The following DCDC2 variants were observed in gnomAD, a reference collection of about 807,000 sequenced individuals.
DCDC2 encodes the protein doublecortin domain-containing protein 2.
In DCDC2, 40 loss-of-function variants were observed where a neutral mutation model predicts 50.2. That is an observed-to-expected ratio of 0.80 (90% confidence interval 0.62 to 1.04). The LOEUF is 1.04. DCDC2 is among the 50% of genes least tolerant of loss of function. The pLI is 0.00. For missense variants in DCDC2, 570 were observed against 581.9 expected (o/e 0.98, Z 0.21); for synonymous variants, 234 against 210.6 (o/e 1.11, Z -0.96).
upstream of DCDC2, among the ~76,000 whole-genome samples, chr6:24,359,637 C>T (rs909216937): frequency 7.0e-5 from 10 of 142,534 alleles, no homozygotes; most frequent in Admixed American, 3.7e-4. Flanking sequence ...TGACTCATGC[C>T]TGTAACCCCA....
chr6:24,346,573 T>A (rs1760260348), intron 2 of DCDC2, among the ~76,000 whole-genome samples: 1 of 152,110 alleles, frequency 6.6e-6, no homozygotes, highest in African/African-American at 2.4e-5. Flanking sequence ...CTAGCCAACA[T>A]GACAAACCCC....
rs58851935 is a variant in DCDC2 at position 24,298,208 on chromosome 6, C to T, written c.557+3507G>A. Among the ~76,000 whole-genome samples the T allele has an allele frequency of 6.3e-3, 959 of 152,322 alleles. 6 individuals carry two copies. Among genetic ancestry groups the T allele is most frequent in the African/African-American group, 0.021 (884 of 41,566 alleles). On this transcript the variant is annotated intron_variant, in intron 4 of 9. Coordinates refer to ENST00000378454, the MANE Select transcript of DCDC2 (RefSeq NM_016356.5). ...TTCATGCTCCTATGAGAATCTAATG[C>T]TGCTGCTGATCTGACAGGGGGTGGA...
chr6:24,192,362 G>A (rs922954290), intron 8 of DCDC2, among the ~76,000 whole-genome samples: 1 of 151,010 alleles, frequency 6.6e-6, no homozygotes, highest in African/African-American at 2.4e-5. Flanking sequence ...TGGCCAAAAC[G>A]AATCACCCTA....
intron 7 of DCDC2, among the ~76,000 whole-genome samples, chr6:24,239,595 G>T (rs1352064610): frequency 6.6e-6 from 1 of 152,156 alleles, no homozygotes; most frequent in Non-Finnish European, 1.5e-5. Flanking sequence ...TATTAAGCTG[G>T]ATCAGTCAGA....
chr6:24,197,380 T>C (rs1245176891), intron 8 of DCDC2, among the ~76,000 whole-genome samples: 1 of 152,244 alleles, frequency 6.6e-6, no homozygotes, highest in Non-Finnish European at 1.5e-5. Flanking sequence ...AATAAGGCTA[T>C]GATTTTCTCT....
intron 2 of DCDC2, among the ~76,000 whole-genome samples, chr6:24,333,805 C>T (rs1477729917): frequency 6.6e-6 from 1 of 152,120 alleles, no homozygotes; most frequent in African/African-American, 2.4e-5. Context: ...TAGGAGACTA[C>T]TGAGGCAAAT....
the DCDC2 span, among the ~76,000 whole-genome samples, chr6:24,363,916 T>C: frequency 3.3e-5 from 5 of 152,236 alleles, no homozygotes; most frequent in Admixed American, 2.6e-4. Context: ...ATCATTTCTC[T>C]TACAGTGAAA....
intron 8 of DCDC2, among the ~76,000 whole-genome samples, chr6:24,190,970 G>A (rs1421248872): frequency 6.6e-6 from 1 of 152,284 alleles, no homozygotes; most frequent in East Asian, 1.9e-4. Context: ...ACAGGGAGAG[G>A]ACCAAACTGG....
intron 8 of DCDC2, among the ~76,000 whole-genome samples, chr6:24,193,670 G>A (rs575852696): frequency 6.6e-6 from 1 of 152,054 alleles, no homozygotes; most frequent in Non-Finnish European, 1.5e-5. Flanking sequence ...TTACATAGTA[G>A]AAATAATGTA....
chr6:24,271,088 G>A (rs1401577160), intron 7 of DCDC2, among the ~76,000 whole-genome samples: 1 of 151,120 alleles, frequency 6.6e-6, no homozygotes. Flanking sequence ...TTGTGTGGTG[G>A]CACCTGCCTG....
chr6:24,356,929 G>A (rs373883981), intron 1 of DCDC2: 1 of 152,658 alleles, frequency 6.6e-6, no homozygotes, highest in African/African-American at 2.4e-5. Context: ...TAAACATGCA[G>A]GGGGTGGGAG....
intron 7 of DCDC2, among the ~76,000 whole-genome samples, chr6:24,221,722 C>A (rs1337476959): frequency 6.6e-6 from 1 of 152,200 alleles, no homozygotes; most frequent in Non-Finnish European, 1.5e-5. Flanking sequence ...ATATTTTTAG[C>A]CTACTTTATG....
chr6:24,253,227 A>C (rs183679624), intron 7 of DCDC2, among the ~76,000 whole-genome samples: 322 of 152,246 alleles, frequency 2.1e-3, no homozygotes, highest in African/African-American at 7.4e-3. Flanking sequence ...CAATAGAGAA[A>C]AATCTAAGTC....
rs1760508095 is a variant in DCDC2, at chr6:24,357,830, A to G, written c.-80T>C. ...CTGTCCCAGCGGCCTCACCGCACCC[A>G]GGGCGCGGGATCGCCTCCTGAAACG... On this transcript the variant is annotated 5_prime_UTR_variant, in exon 1 of 10. Coordinates refer to ENST00000378454, the MANE Select transcript of DCDC2 (RefSeq NM_016356.5). 6.2e-7 allele frequency: 1 copy of G among 1,601,906 alleles called. No individual in the cohort carries two copies. The highest frequency in any genetic ancestry group is 8.5e-7 in the Non-Finnish European group (1 of 1,172,960).
intron 2 of DCDC2, among the ~76,000 whole-genome samples, chr6:24,330,692 TAGAA>T (rs1459808851): frequency 1.3e-5 from 2 of 152,106 alleles, no homozygotes; most frequent in Non-Finnish European, 2.9e-5. Flanking sequence ...AGAGAGAACT[TAGAA>T]AGGAAAGAGT....
chr6:24,240,484 A>G (rs1417135124), intron 7 of DCDC2, among the ~76,000 whole-genome samples: 1 of 152,236 alleles, frequency 6.6e-6, no homozygotes, highest in Non-Finnish European at 1.5e-5. Context: ...GAATAGGTCT[A>G]TTCAGCCATA....
chr6:24,383,144 T>A, the DCDC2 span, among the ~76,000 whole-genome samples: 1 of 151,928 alleles, frequency 6.6e-6, no homozygotes, highest in Non-Finnish European at 1.5e-5. Context: ...CTGACCAACA[T>A]GGAGAAACCC....
chr6:24,356,353 T>C (rs574902582), intron 1 of DCDC2, among the ~76,000 whole-genome samples: 2 of 152,254 alleles, frequency 1.3e-5, no homozygotes, highest in Admixed American at 1.3e-4. Context: ...ATGTCCAGAA[T>C]AGACAAATCC....
intron 4 of DCDC2, among the ~76,000 whole-genome samples, chr6:24,295,273 C>T (rs1368032308): frequency 6.6e-6 from 1 of 152,128 alleles, no homozygotes; most frequent in African/African-American, 2.4e-5. Flanking sequence ...AATTCAACAT[C>T]CCTTCAAGTT....
Sources: gnomAD v4.1 joint callset for allele counts (sites outside exome capture counted in the v4.1 genomes callset) on GRCh38, gnomAD v4.1.1 for gene constraint, MANE v1.5 for transcripts, NCBI Gene and HGNC (gene_info 2026-07-23, HGNC 2026-07-21) for gene names.